Variants in POFUT3 observed in about 807,000 individuals in gnomAD.
The protein encoded by POFUT3 is protein O-fucosyltransferase 3.
chr8:33,434,586 T>TTTTGC, the POFUT3 span, among the ~76,000 whole-genome samples: 1 of 152,148 alleles, frequency 6.6e-6, no homozygotes, highest in East Asian at 1.9e-4. Flanking sequence ...AGCTATTACC[T>TTTTGC]TTTTTCCCCT....
the POFUT3 span, among the ~76,000 whole-genome samples, chr8:33,431,759 T>C: frequency 6.6e-6 from 1 of 151,984 alleles, no homozygotes; most frequent in African/African-American, 2.4e-5. Context: ...GATTTTTTTT[T>C]ACCAATCAAG....
the POFUT3 span, among the ~76,000 whole-genome samples, chr8:33,362,215 T>C: frequency 1.3e-5 from 2 of 151,948 alleles, no homozygotes; most frequent in Non-Finnish European, 2.9e-5. Context: ...GACAAGCAAA[T>C]GCTGAGAGAT....
At chr8:33,388,227 C>T in the POFUT3 span, among the ~76,000 whole-genome samples, 1 of 151,414 alleles carries the variant, frequency 6.6e-6, no homozygotes, top group Non-Finnish European at 1.5e-5. Flanking sequence ...AAAGTGGAGG[C>T]TGTGGAGTGT....
At chr8:33,315,053 C>T in the POFUT3 span, among the ~76,000 whole-genome samples, 8 of 152,144 alleles carry the variant, frequency 5.3e-5, no homozygotes, top group Admixed American at 2.0e-4. Flanking sequence ...TCAGACTGCA[C>T]ATTTACTTTT....
the POFUT3 span, among the ~76,000 whole-genome samples, chr8:33,462,559 T>C: frequency 1.3e-5 from 2 of 152,208 alleles, no homozygotes. Context: ...GTTGGAGCAA[T>C]ATTATTCTTT....
chr8:33,370,166 T>C, the POFUT3 span, among the ~76,000 whole-genome samples: 2 of 68,510 alleles, frequency 2.9e-5, no homozygotes, highest in Non-Finnish European at 5.3e-5. Context: ...ACCCCATCTT[T>C]ACTAAAAAAA....
chr8:33,345,198 T>C, the POFUT3 span, among the ~76,000 whole-genome samples: 1 of 152,106 alleles, frequency 6.6e-6, no homozygotes, highest in East Asian at 1.9e-4. Context: ...AATTAAAAAA[T>C]GTATGCAGAG....
the POFUT3 span, among the ~76,000 whole-genome samples, chr8:33,321,583 C>T: frequency 6.6e-6 from 1 of 152,192 alleles, no homozygotes; most frequent in Non-Finnish European, 1.5e-5. Context: ...AGTCCCAGAC[C>T]ATCTCTTCTG....
chr8:33,417,507 C>T, the POFUT3 span, among the ~76,000 whole-genome samples: 7 of 151,870 alleles, frequency 4.6e-5, no homozygotes, highest in Non-Finnish European at 8.8e-5. Flanking sequence ...AGCCACTCAG[C>T]GGAGCAAATC....
At chr8:33,384,198 C>G in the POFUT3 span, among the ~76,000 whole-genome samples, 1 of 152,110 alleles carries the variant, frequency 6.6e-6, no homozygotes, top group African/African-American at 2.4e-5. Context: ...ACTGGTTCCA[C>G]TGACCCATGA....
At chr8:33,434,130 G>A in the POFUT3 span, among the ~76,000 whole-genome samples, 2 of 149,096 alleles carry the variant, frequency 1.3e-5, no homozygotes, top group South Asian at 2.2e-4. Context: ...GTGTGGTGGC[G>A]CATGCCTGTA....
the POFUT3 span, among the ~76,000 whole-genome samples, chr8:33,455,255 A>T: frequency 2.0e-5 from 3 of 152,200 alleles, no homozygotes; most frequent in African/African-American, 7.2e-5. Flanking sequence ...TTATTCCAGG[A>T]TAGTCTAAGT....
chr8:33,380,189 C>CTATATATATACTA, the POFUT3 span, among the ~76,000 whole-genome samples: 1 of 39,900 alleles, frequency 2.5e-5, no homozygotes, highest in Non-Finnish European at 4.0e-5. Flanking sequence ...TATATATATA[C>CTATATATATACTA]TATATATATA....
At chr8:33,369,443 T>C in the POFUT3 span, among the ~76,000 whole-genome samples, 1 of 152,148 alleles carries the variant, frequency 6.6e-6, no homozygotes, top group East Asian at 1.9e-4. Context: ...ACAATAAAAA[T>C]TAAAAGAAAG....
the POFUT3 span, among the ~76,000 whole-genome samples, chr8:33,407,987 C>CAAAAA: frequency 2.0e-4 from 17 of 83,068 alleles, no homozygotes; most frequent in East Asian, 3.5e-4. Context: ...GACTCCATCT[C>CAAAAA]AAAAAAAAAA....
chr8:33,402,529 C>G, the POFUT3 span, among the ~76,000 whole-genome samples: 1 of 151,888 alleles, frequency 6.6e-6, no homozygotes, highest in Non-Finnish European at 1.5e-5. Flanking sequence ...TCTAGGATAC[C>G]CCTACCTTGA....
the POFUT3 span, among the ~76,000 whole-genome samples, chr8:33,335,114 T>C: frequency 6.6e-6 from 1 of 152,084 alleles, no homozygotes; most frequent in Non-Finnish European, 1.5e-5. Flanking sequence ...TATGCTGATA[T>C]ATGTTTAGCA....
chr8:33,379,390 C>CA, the POFUT3 span, among the ~76,000 whole-genome samples: 123 of 133,414 alleles, frequency 9.2e-4, no homozygotes, highest in Admixed American at 2.9e-3. Flanking sequence ...GTCCAGGAAT[C>CA]AAAAAAAAAA....
chr8:33,450,115 A>G, the POFUT3 span, among the ~76,000 whole-genome samples: 1 of 151,692 alleles, frequency 6.6e-6, no homozygotes, highest in Non-Finnish European at 1.5e-5. Flanking sequence ...TATTTTTAGT[A>G]TTTTTAGTAG....
Sources: allele counts gnomAD v4.1 joint callset (sites outside exome capture counted in the v4.1 genomes callset), GRCh38; gene constraint gnomAD v4.1.1; transcripts MANE v1.5; gene names NCBI Gene and HGNC (gene_info 2026-07-23, HGNC 2026-07-21).